Variants in SEC23IP observed in about 807,000 individuals in gnomAD.
The protein encoded by SEC23IP is SEC23 interacting protein.
A neutral mutation model predicts 113.4 loss-of-function variants in SEC23IP; 70 were observed. The ratio of observed to expected loss-of-function variants is 0.62; its 90% confidence interval spans 0.51 to 0.75. The LOEUF (loss-of-function observed/expected upper bound fraction) is 0.75, where lower values mean the gene tolerates loss of function less well. SEC23IP is among the 30% of genes least tolerant of loss of function. SEC23IP has a pLI of 0.00. For missense variants in SEC23IP, 1,160 were observed against 1,204.9 expected (o/e 0.96, Z 0.55); for synonymous variants, 398 against 421.0 (o/e 0.95, Z 0.67).
At chr10:119,895,244 T>A (rs370205060) in intron 1 of SEC23IP, among the ~76,000 whole-genome samples, 1 of 151,880 alleles carries the variant, frequency 6.6e-6, no homozygotes, top group Non-Finnish European at 1.5e-5. Flanking sequence ...GTTAGTTGGA[T>A]GTGGTGGTGG....
Position 119,917,962 on chromosome 10 carries a change from G to A in SEC23IP, c.1671G>A (p.Met557Ile). ...YCQTIVEKVG[M>I]EINHLHALFM... ...AGACAATTGTGGAAAAAGTAGGAAT[G>A]GAGATAAACCATCTGCATGCACTCT... Residue 557 changes from methionine (M) to isoleucine (I), a missense_variant, in exon 9 of 19, where the codon ATG (methionine) becomes ATA (isoleucine). By Grantham distance (10) the Met-to-Ile change is conservative. Coordinates refer to ENST00000369075, the MANE Select transcript of SEC23IP (RefSeq NM_007190.4). The A allele has an allele frequency of 6.2e-7, 1 of 1,614,072 alleles. No homozygotes were observed. The highest frequency in any genetic ancestry group is 8.5e-7 in the Non-Finnish European group (1 of 1,179,966).
At chr10:119,899,921 G>A (rs72826457) in intron 2 of SEC23IP, among the ~76,000 whole-genome samples, 302 of 152,182 alleles carry the variant, frequency 2.0e-3, no homozygotes, top group Non-Finnish European at 3.6e-3. Context: ...ATTTCATCCC[G>A]TTTGTTTTTT....
Position 119,914,735 on chromosome 10 carries a change from A to G in SEC23IP, c.1318A>G (p.Met440Val), listed in dbSNP as rs1205940881. The change falls in exon 7 of 19, where the codon ATG (methionine) becomes GTG (valine). Residue 440 changes from methionine (M) to valine (V), a missense_variant. Met to Val is a conservative substitution (Grantham distance 21). Transcript: ENST00000369075. The part of the protein sequence containing the change: ...DNLDEIPDGE[M>V]PQVDHLVFVV... ...TTAAAAATTTTTTTTGATAGGGGAG[A>G]TGCCTCAAGTTGACCATTTGGTGTT... The G allele has an allele frequency of 6.2e-7, 1 of 1,613,932 alleles. No individual in the cohort carries two copies. The highest frequency in any genetic ancestry group is 1.1e-5 in the South Asian group (1 of 91,064).
rs1855124480 is a variant in SEC23IP at position 119,918,410 on chromosome 10, G to C, written c.1771G>C (p.Asp591His). 1.9e-6 allele frequency: 3 copies of C among 1,604,052 alleles called. No individual in the cohort carries two copies. Among genetic ancestry groups the C allele is most frequent in the Non-Finnish European group, 2.6e-6 (3 of 1,171,224 alleles). The change falls in exon 10 of 19, where the codon GAC becomes CAC. Residue 591 changes from aspartate (D) to histidine (H), a missense_variant. Transcript: ENST00000369075. The part of the protein sequence containing the change: ...GHSLGSLILF[D>H]ILSNQKDLNL... ...TTTCATAGGTTCTTTAATATTGTTT[G>C]ACATCCTGTCTAATCAAAAAGATTT...
In SEC23IP at chr10:119,898,891, C is replaced by T; in HGVS notation, c.628C>T (p.Pro210Ser). The T allele has an allele frequency of 6.2e-7, 1 of 1,605,624 alleles. No homozygotes were observed. Among genetic ancestry groups the T allele is most frequent in the Non-Finnish European group, 8.5e-7 (1 of 1,179,916 alleles). Residue 210 changes from proline to serine, a missense_variant, in exon 2 of 19, where the codon CCT becomes TCT. Coordinates refer to ENST00000369075, the MANE Select transcript of SEC23IP (RefSeq NM_007190.4). Reference sequence around the variant, plus strand: ...GCAGCAGTGCCAAACACCAGGCCCTCCTGCTCATCCTCCACCTTCTGGACC... The same window carrying T: ...GCAGCAGTGCCAAACACCAGGCCCTTCTGCTCATCCTCCACCTTCTGGACC... ...QLQQCQTPGP[P>S]AHPPPSGPPV...
chr10:119,908,555 C>A lies in SEC23IP; in HGVS notation c.1102-486C>A, dbSNP rs529953115. 2.0e-5 allele frequency among the ~76,000 whole-genome samples: 3 copies of A among 152,238 alleles called. No individual in the cohort carries two copies. The East Asian group carries it at 5.8e-4, about 29-fold the overall frequency. Reference sequence around the variant, plus strand: ...GTGAAGACAGACACACAGAAAGAATCCCATATGATGATGGAGGCAAAGGCT... The same window carrying A: ...GTGAAGACAGACACACAGAAAGAATACCATATGATGATGGAGGCAAAGGCT... On this transcript the variant is annotated intron_variant, in intron 4 of 18. Coordinates refer to ENST00000369075, the MANE Select transcript of SEC23IP (RefSeq NM_007190.4).
intron 3 of SEC23IP, among the ~76,000 whole-genome samples, chr10:119,903,785 G>A (rs1421045840): frequency 2.0e-5 from 3 of 152,130 alleles, no homozygotes; most frequent in Non-Finnish European, 4.4e-5. Context: ...GAGCAGTAGC[G>A]CAATCTGGAC....
Position 119,917,973 on chromosome 10 carries a change from A to G in SEC23IP, c.1682A>G (p.His561Arg), listed in dbSNP as rs2134495374. Residue 561 changes from histidine (H) to arginine (R), a missense_variant, in exon 9 of 19, where the codon CAT becomes CGT. Transcript: ENST00000369075. The stretch of plus-strand genomic sequence containing the variant: ...GAAAAAGTAGGAATGGAGATAAACC[A>G]TCTGCATGCACTCTTTATGAGTCGG... Reference protein sequence around the residue: ...IVEKVGMEINHLHALFMSRNP... With the variant: ...IVEKVGMEINRLHALFMSRNP... The G allele has an allele frequency of 6.2e-7, 1 of 1,614,146 alleles. No individual in the cohort carries two copies. Among genetic ancestry groups the G allele is most frequent in the Non-Finnish European group, 8.5e-7 (1 of 1,179,990 alleles).
chr10:119,904,335 T>TATATCTGTGAGTAACAGA (rs1854594639), intron 4 of SEC23IP, 58 bp downstream of exon 4: 5 of 1,435,656 alleles, frequency 3.5e-6, no homozygotes, highest in African/African-American at 1.4e-5. Context: ...CTATATACAT[T>TATATCTGTGAGTAACAGA]GGTGAGTAAC....
rs769414189 is a variant in SEC23IP at position 119,904,237 on chromosome 10, G to T, written c.1061G>T (p.Arg354Leu). ...TTTTACAAGGGGGACACAGATAGTCGATTTATTCCCTATACTGAGGAGTTC... is the reference window on the plus strand; with the variant it reads ...TTTTACAAGGGGGACACAGATAGTCTATTTATTCCCTATACTGAGGAGTTC... ...TWFYKGDTDS[R>L]FIPYTEEFSE... The change falls in exon 4 of 19, where the codon CGA becomes CTA. Residue 354 changes from arginine to leucine, a missense_variant. Transcript: ENST00000369075. 3 of 1,614,012 alleles carry T rather than the reference G, an allele frequency of 1.9e-6. No individual in the cohort carries two copies. The highest frequency in any genetic ancestry group is 4.5e-5 in the East Asian group (2 of 44,892).
At chr10:119,934,333 G>A (rs1855706725) in intron 18 of SEC23IP, among the ~76,000 whole-genome samples, 1 of 152,218 alleles carries the variant, frequency 6.6e-6, no homozygotes, top group African/African-American at 2.4e-5. Context: ...GCAGAAGCTT[G>A]TCCAAAAATT....
At chr10:119,935,891 A>G (rs61867996) in intron 18 of SEC23IP, among the ~76,000 whole-genome samples, 16,462 of 152,292 alleles carry the variant, frequency 0.11, 950 homozygotes, top group South Asian at 0.17. Flanking sequence ...GAAGAAGACC[A>G]CTTCAGGTGG....
intron 8 of SEC23IP, among the ~76,000 whole-genome samples, chr10:119,917,568 G>A (rs763830264): frequency 9.2e-5 from 14 of 151,958 alleles, no homozygotes; most frequent in Admixed American, 2.6e-4. Flanking sequence ...TAGTAAAGAC[G>A]GGGTTTCGCC....
chr10:119,913,483 G>A (rs367696566), intron 6 of SEC23IP, among the ~76,000 whole-genome samples: 4 of 151,364 alleles, frequency 2.6e-5, no homozygotes, highest in African/African-American at 9.7e-5. Flanking sequence ...GAGCATATCC[G>A]TTTTCCATAA....
At chr10:119,916,407 A>T (rs1473103528) in intron 8 of SEC23IP, among the ~76,000 whole-genome samples, 2 of 152,218 alleles carry the variant, frequency 1.3e-5, no homozygotes, top group Non-Finnish European at 2.9e-5. Context: ...GACAATTAAA[A>T]ATACTCTGCT....
At chr10:119,927,179 T>C (rs1855449903) in intron 13 of SEC23IP, among the ~76,000 whole-genome samples, 1 of 152,244 alleles carries the variant, frequency 6.6e-6, no homozygotes, top group Non-Finnish European at 1.5e-5. Flanking sequence ...ATTACAGGCA[T>C]GAGCTACTGC....
chr10:119,892,752 G>A lies in SEC23IP; in HGVS notation c.-31G>A, dbSNP rs376558981. On this transcript the variant is annotated 5_prime_UTR_variant, in exon 1 of 19. Coordinates refer to ENST00000369075, the MANE Select transcript of SEC23IP (RefSeq NM_007190.4). ...GTCAGTGGTGTGGTACCGGGTACCC[G>A]GAGACGTGTATCGGACGGTGGGCCG... 5.9e-5 allele frequency: 94 copies of A among 1,581,902 alleles called. 1 individual carries two copies. Among genetic ancestry groups the A allele is most frequent in the African/African-American group, 4.0e-4 (30 of 74,400 alleles).
At chr10:119,928,070 TAC>T (rs1180974363) in intron 13 of SEC23IP, among the ~76,000 whole-genome samples, 2 of 152,354 alleles carry the variant, frequency 1.3e-5, no homozygotes, top group East Asian at 1.9e-4. Context: ...TGTATTTTCA[TAC>T]AGTTTTTTTC....
rs532488621 is a variant in SEC23IP at position 119,909,117 on chromosome 10, T to C, written c.1178T>C (p.Met393Thr). ...LEFPSGETIV[M>T]HNPKVIVQFQ... ...TTTCCAAGTGGAGAGACAATTGTTA[T>C]GCACAATCCAAAGGTAATGATGGTG... Residue 393 changes from methionine to threonine, a missense_variant, in exon 5 of 19, where the codon ATG (methionine) becomes ACG (threonine). Coordinates refer to ENST00000369075, the MANE Select transcript of SEC23IP (RefSeq NM_007190.4). 3.7e-6 allele frequency: 6 copies of C among 1,609,564 alleles called. No individual in the cohort carries two copies. The highest frequency in any genetic ancestry group is 4.2e-6 in the Non-Finnish European group (5 of 1,176,820).
Sources: allele counts gnomAD v4.1 joint callset (sites outside exome capture counted in the v4.1 genomes callset), GRCh38; gene constraint gnomAD v4.1.1; transcripts MANE v1.5; gene names NCBI Gene and HGNC (gene_info 2026-07-23, HGNC 2026-07-21).